Variants in ADAMTSL1 observed in about 807,000 individuals in gnomAD.
ADAMTSL1 encodes ADAMTS like 1.
ADAMTSL1 carries 126 observed loss-of-function variants against 201.8 expected under a neutral mutation model. That is an observed-to-expected ratio of 0.62 (90% CI 0.54 to 0.72). The LOEUF (loss-of-function observed/expected upper bound fraction) is 0.72, where lower values mean the gene tolerates loss of function less well. Ranked by LOEUF, ADAMTSL1 falls within the 30% of genes least tolerant of loss-of-function variation. The pLI is 0.00. For synonymous variants in ADAMTSL1, 1,121 were observed against 903.4 expected (o/e 1.24, Z -4.32); for missense variants, 2,679 against 2,277.8 (o/e 1.18, Z -3.59).
chr9:18,330,634 G>A (rs913452544), intron 2 of ADAMTSL1, among the ~76,000 whole-genome samples: 3 of 152,104 alleles, frequency 2.0e-5, no homozygotes, highest in Admixed American at 1.3e-4. Flanking sequence ...CCATTTTATA[G>A]ACATGTGGGA....
At chr9:17,969,198 G>C (rs1818105264) in intron 1 of ADAMTSL1, among the ~76,000 whole-genome samples, 1 of 102,568 alleles carries the variant, frequency 9.7e-6, no homozygotes, top group Admixed American at 1.1e-4. Flanking sequence ...GTGTTTACTA[G>C]ATTGCCAGTT....
At chr9:18,655,639 T>G (rs536675290) in intron 7 of ADAMTSL1, among the ~76,000 whole-genome samples, 2 of 151,470 alleles carry the variant, frequency 1.3e-5, no homozygotes, top group Non-Finnish European at 2.9e-5. Flanking sequence ...ACAAAAAAAG[T>G]AAAAAACAAA....
At chr9:18,713,107 C>T (rs1030553603) in intron 14 of ADAMTSL1, among the ~76,000 whole-genome samples, 3 of 151,322 alleles carry the variant, frequency 2.0e-5, no homozygotes, top group Non-Finnish European at 4.4e-5. Flanking sequence ...AAGCGCTAAA[C>T]ATGGAAAGGA....
intron 1 of ADAMTSL1, among the ~76,000 whole-genome samples, chr9:18,153,036 C>T (rs928392693): frequency 3.8e-5 from 4 of 105,560 alleles, no homozygotes; most frequent in Non-Finnish European, 8.7e-5. Context: ...ATGATCTCTT[C>T]AGCATGAAGT....
intron 4 of ADAMTSL1, among the ~76,000 whole-genome samples, chr9:18,586,153 C>G (rs1169042416): frequency 6.6e-6 from 1 of 152,192 alleles, no homozygotes; most frequent in Non-Finnish European, 1.5e-5. Context: ...CACACTATCT[C>G]TGTTTGCAGA....
chr9:18,404,399 A>G (rs1818104232), intron 2 of ADAMTSL1, among the ~76,000 whole-genome samples: 1 of 152,200 alleles, frequency 6.6e-6, no homozygotes, highest in South Asian at 2.1e-4. Flanking sequence ...TCATTCTCCC[A>G]TAGCTCAAAG....
At chr9:18,291,306 A>G (rs933744981) in intron 2 of ADAMTSL1, among the ~76,000 whole-genome samples, 15 of 152,212 alleles carry the variant, frequency 9.9e-5, no homozygotes, top group Non-Finnish European at 2.1e-4. Context: ...TTATTCATGA[A>G]TAAGTCAGAA....
At chr9:18,161,953 C>T (rs899894654) in intron 1 of ADAMTSL1, among the ~76,000 whole-genome samples, 2 of 151,940 alleles carry the variant, frequency 1.3e-5, no homozygotes, top group African/African-American at 4.8e-5. Flanking sequence ...CCTCATTGTG[C>T]CCTGCCTTTC....
At chr9:18,421,286 C>G (rs1418692313) in intron 2 of ADAMTSL1, among the ~76,000 whole-genome samples, 1 of 152,152 alleles carries the variant, frequency 6.6e-6, no homozygotes, top group East Asian at 1.9e-4. Flanking sequence ...AGTAACTCTG[C>G]AATACCTGTA....
chr9:18,153,734 T>G (rs1827024579), intron 1 of ADAMTSL1, among the ~76,000 whole-genome samples: 1 of 152,032 alleles, frequency 6.6e-6, no homozygotes, highest in African/African-American at 2.4e-5. Context: ...AAGTAATCAC[T>G]TTATGTCATT....
At position 18,516,224 on chromosome 9, in the gene ADAMTSL1, CTG is replaced by C. The variant is rs1189307407; in HGVS notation, c.191+11269_191+11270del. ...ACCCTGTTTTCCTTAGTTTCAGTCACTGAGAAAGAGAGAGAAAGAAAGAAAGA... is the reference window on the plus strand; with the variant it reads ...ACCCTGTTTTCCTTAGTTTCAGTCACAGAAAGAGAGAGAAAGAAAGAAAGA... On this transcript the variant is annotated intron_variant, in intron 2 of 28. Transcript: ENST00000380548. Among the ~76,000 whole-genome samples the C allele has an allele frequency of 2.8e-4, 42 of 151,974 alleles. No homozygotes were observed. The East Asian group carries it at 7.7e-3, about 28-fold the overall frequency.
chr9:18,233,127 G>A (rs1272644390), intron 2 of ADAMTSL1, among the ~76,000 whole-genome samples: 1 of 152,158 alleles, frequency 6.6e-6, no homozygotes, highest in Non-Finnish European at 1.5e-5. Flanking sequence ...TATGTATGTT[G>A]CAGTACAAAA....
At position 18,025,721 on chromosome 9, in the gene ADAMTSL1, G is replaced by T. The variant is rs113932296; in HGVS notation, c.87+118799G>T. On this transcript the variant is annotated intron_variant, in intron 1 of 29. Transcript: ENST00000680146. ...GCTTTGTTCTTTTTGCTTAGGATTG[G>T]TTTGGGTTTTGGGTCTCTTTTTTTG... Among the ~76,000 whole-genome samples the T allele has an allele frequency of 2.6e-5, 4 of 151,952 alleles. No homozygotes were observed. The East Asian group carries it at 7.7e-4, about 29-fold the overall frequency.
chr9:18,645,622 C>G (rs1329449057), intron 7 of ADAMTSL1, among the ~76,000 whole-genome samples: 83 of 151,830 alleles, frequency 5.5e-4, no homozygotes, highest in African/African-American at 2.0e-3. Context: ...GCCAGTTTTC[C>G]CAGCACCATT....
chr9:18,065,916 G>C (rs973865101), intron 1 of ADAMTSL1, among the ~76,000 whole-genome samples: 2 of 146,238 alleles, frequency 1.4e-5, no homozygotes, highest in African/African-American at 2.5e-5. Flanking sequence ...GGGAGGCGGA[G>C]GTTGCAGTGA....
intron 2 of ADAMTSL1, among the ~76,000 whole-genome samples, chr9:18,383,381 C>T (rs749995228): frequency 1.3e-5 from 2 of 151,836 alleles, no homozygotes; most frequent in African/African-American, 2.4e-5. Flanking sequence ...CATTTGAGTA[C>T]GTGTTTAAGG....
intron 2 of ADAMTSL1, among the ~76,000 whole-genome samples, chr9:18,182,612 A>G (rs1828547461): frequency 6.6e-6 from 1 of 152,244 alleles, no homozygotes; most frequent in South Asian, 2.1e-4. Flanking sequence ...GTTGAACTGC[A>G]GAGTGGCAGG....
intron 4 of ADAMTSL1, among the ~76,000 whole-genome samples, chr9:18,614,250 A>T (rs1338936267): frequency 6.6e-6 from 1 of 152,164 alleles, no homozygotes; most frequent in African/African-American, 2.4e-5. Flanking sequence ...AGAGAACGCC[A>T]GGTGTGGGGA....
intron 1 of ADAMTSL1, among the ~76,000 whole-genome samples, chr9:18,136,634 C>T (rs1199798300): frequency 6.6e-6 from 1 of 151,834 alleles, no homozygotes; most frequent in Non-Finnish European, 1.5e-5. Flanking sequence ...TTATGTGGAA[C>T]ATTAAATTGT....
Sources: gnomAD v4.1 joint callset for allele counts (sites outside exome capture counted in the v4.1 genomes callset) on GRCh38, gnomAD v4.1.1 for gene constraint, MANE v1.5 for transcripts, NCBI Gene and HGNC (gene_info 2026-07-23, HGNC 2026-07-21) for gene names.